ATF7: variants seen among roughly 807,000 people sequenced by gnomAD.
ATF7 encodes cyclic AMP-dependent transcription factor ATF-7.
Under a neutral mutation model 50.4 loss-of-function variants are expected in ATF7, and 10 were observed. The ratio of observed to expected loss-of-function variants is 0.20; its 90% confidence interval spans 0.12 to 0.34. The LOEUF is 0.34. Ranked by LOEUF, ATF7 falls within the 10% of genes least tolerant of loss-of-function variation. The probability of loss-of-function intolerance (pLI) is 1.00; values close to 1 mark genes in which losing one functional copy is unlikely to be tolerated. For synonymous variants in ATF7, 201 were observed against 226.4 expected (o/e 0.89, Z 1.01); for missense variants, 465 against 613.9 (o/e 0.76, Z 2.56).
intron 2 of ATF7, among the ~76,000 whole-genome samples, chr12:53,563,459 GA>G (rs11302242): frequency 0.48 from 71,225 of 147,802 alleles, 16,949 homozygotes; most frequent in East Asian, 0.74. Flanking sequence ...CTACCGAAAA[GA>G]AAAAAAAAAA....
At chr12:53,528,610 A>G (rs1421311481) in intron 9 of ATF7, among the ~76,000 whole-genome samples, 1 of 152,090 alleles carries the variant, frequency 6.6e-6, no homozygotes, top group Admixed American at 6.5e-5. Flanking sequence ...TGAAAATACA[A>G]AAATTAGCTG....
At position 53,542,107 on chromosome 12, in the gene ATF7, G is replaced by GTTTTTTTTTTTTTTT. The variant is rs1199418506; in HGVS notation, c.264+1208_264+1222dup. Among the ~76,000 whole-genome samples, 64 of 101,456 alleles carry GTTTTTTTTTTTTTTT rather than the reference G, an allele frequency of 6.3e-4. 5 individuals carry two copies. The highest frequency in any genetic ancestry group is 8.1e-4 in the Non-Finnish European group (42 of 52,018). 66.6% of individuals were successfully genotyped at this position (101,456 alleles called of 152,430 possible). ...GGGTGTGAGCCACTGCGCCTGGCCTGTTTTTTTTTTTTTTTTTTTAAGAGA... is the reference window on the plus strand; with the variant it reads ...GGGTGTGAGCCACTGCGCCTGGCCTGTTTTTTTTTTTTTTTTTTTTTTTTTTTTTTTTTTAAGAGA... On this transcript the variant is annotated intron_variant, in intron 4 of 11. Transcript: ENST00000420353.
chr12:53,532,144 T>C (rs1938936283), intron 8 of ATF7, among the ~76,000 whole-genome samples: 1 of 152,104 alleles, frequency 6.6e-6, no homozygotes, highest in Admixed American at 6.6e-5. Flanking sequence ...AAAGCAATAG[T>C]GTCCAGATGA....
intron 1 of ATF7, 186 bp downstream of exon 1, chr12:53,626,093 C>T (rs1471791586): frequency 6.6e-6 from 1 of 152,416 alleles, no homozygotes; most frequent in Non-Finnish European, 1.5e-5. Context: ...AGGCTTCCTT[C>T]TCTCCCATTG....
intron 1 of ATF7, among the ~76,000 whole-genome samples, chr12:53,616,336 C>T (rs975561907): frequency 6.6e-6 from 1 of 152,062 alleles, no homozygotes; most frequent in Admixed American, 6.6e-5. Context: ...AATCCTCCCG[C>T]GTTGGCCTCC....
intron 2 of ATF7, among the ~76,000 whole-genome samples, chr12:53,594,291 G>C (rs1014830644): frequency 2.6e-5 from 4 of 152,118 alleles, no homozygotes; most frequent in Non-Finnish European, 5.9e-5. Context: ...CAGTTTCTGG[G>C]CTCCCGTTTC....
chr12:53,552,991 G>C (rs1940477970), intron 2 of ATF7, among the ~76,000 whole-genome samples: 1 of 152,108 alleles, frequency 6.6e-6, no homozygotes. Context: ...AATAATAATA[G>C]AGAAGGGAAG....
At chr12:53,552,798 A>G (rs1200176716) in intron 2 of ATF7, among the ~76,000 whole-genome samples, 161 bp from the exon 3 acceptor site, 1 of 152,164 alleles carries the variant, frequency 6.6e-6, no homozygotes, top group African/African-American at 2.4e-5. Flanking sequence ...ATGGAGAAAA[A>G]AGGGTGCTAG....
intron 2 of ATF7, among the ~76,000 whole-genome samples, chr12:53,584,707 A>G (rs934429887): frequency 2.0e-5 from 3 of 152,226 alleles, no homozygotes; most frequent in Admixed American, 6.5e-5. Flanking sequence ...CTCAGCACTA[A>G]AAAGAAATAA....
In ATF7 at chr12:53,554,849, GA is replaced by G. The variant is rs1940611684; in HGVS notation, c.49-2213del. Among the ~76,000 whole-genome samples, 4 of 107,230 alleles carry G rather than the reference GA, an allele frequency of 3.7e-5. No individual in the cohort carries two copies. In the Admixed American group the frequency reaches 5.4e-4, roughly 14 times the overall value. 70.3% of individuals were successfully genotyped at this position (107,230 alleles called of 152,430 possible). On this transcript the variant is annotated intron_variant, in intron 2 of 11. Transcript: ENST00000420353. ...CTAAGCTCCAGCCTGGGTGACAGAG[GA>G]AGACCTTGTCTCAAAAAAAGAAAAA...
At chr12:53,532,328 G>A (rs1054210369) in intron 8 of ATF7, among the ~76,000 whole-genome samples, 182 bp downstream of exon 8, 6 of 152,196 alleles carry the variant, frequency 3.9e-5, no homozygotes, top group African/African-American at 9.6e-5. Context: ...AGGCTCTAAA[G>A]GTGGGGAGAG....
At position 53,529,745 on chromosome 12, in the gene ATF7, GT is replaced by G. The variant is rs1170251902; in HGVS notation, c.927+1998del. ...CACACACACACACACATATATATAT[GT>G]TTTTTTTTTTTTGAGATGGAGTCTC... is the stretch of plus-strand genomic sequence containing the variant. On this transcript the variant is annotated intron_variant, in intron 9 of 11. Transcript: ENST00000420353. Among the ~76,000 whole-genome samples the G allele has an allele frequency of 2.4e-3, 142 of 58,608 alleles. 1 individual carries two copies. The highest frequency in any genetic ancestry group is 5.7e-3 in the East Asian group (2 of 352). The allele number at this position is 58,608 out of a possible 152,430, so 38.4% of individuals were successfully genotyped here.
chr12:53,519,533 C>T (rs1197304479), intron 11 of ATF7, among the ~76,000 whole-genome samples: 1 of 151,850 alleles, frequency 6.6e-6, no homozygotes, highest in Non-Finnish European at 1.5e-5. Flanking sequence ...GAAACCCCGT[C>T]TCTACTAAAA....
intron 2 of ATF7, among the ~76,000 whole-genome samples, chr12:53,582,661 C>T (rs1291186456): frequency 6.6e-6 from 1 of 152,222 alleles, no homozygotes; most frequent in Admixed American, 6.5e-5. Flanking sequence ...TCACTGCAAG[C>T]TCCGCCTCCT....
intron 2 of ATF7, among the ~76,000 whole-genome samples, chr12:53,578,485 G>A (rs374636798): frequency 7.3e-5 from 11 of 151,654 alleles, no homozygotes; most frequent in African/African-American, 2.4e-4. Context: ...AAGTTCTTTA[G>A]AGAGAAGGAA....
chr12:53,552,910 C>G (rs996198162), intron 2 of ATF7, among the ~76,000 whole-genome samples: 5 of 151,734 alleles, frequency 3.3e-5, no homozygotes, highest in African/African-American at 1.2e-4. Context: ...AAGTGGGGTC[C>G]AAGTAGGAGG....
intron 2 of ATF7, among the ~76,000 whole-genome samples, chr12:53,593,030 A>T (rs912645014): frequency 1.3e-5 from 2 of 152,164 alleles, no homozygotes; most frequent in African/African-American, 4.8e-5. Flanking sequence ...TTTGGTTATA[A>T]AGACTCTATT....
chr12:53,582,779 A>G (rs1017962347), intron 2 of ATF7, among the ~76,000 whole-genome samples: 19 of 151,828 alleles, frequency 1.3e-4, no homozygotes, highest in Non-Finnish European at 2.2e-4. Flanking sequence ...TAGAGACGGG[A>G]TTTCACCATG....
At chr12:53,564,169 G>A (rs762264625) in intron 2 of ATF7, among the ~76,000 whole-genome samples, 1 of 152,192 alleles carries the variant, frequency 6.6e-6, no homozygotes, top group African/African-American at 2.4e-5. Context: ...GAGGCTAGGC[G>A]TTTGAGACCA....
Sources: allele counts gnomAD v4.1 joint callset (sites outside exome capture counted in the v4.1 genomes callset), GRCh38; gene constraint gnomAD v4.1.1; transcripts MANE v1.5; gene names NCBI Gene and HGNC (gene_info 2026-07-23, HGNC 2026-07-21).